Variants in PLCH1 observed in about 807,000 individuals in gnomAD.
PLCH1 encodes the protein 1-phosphatidylinositol 4,5-bisphosphate phosphodiesterase eta-1.
In PLCH1, 60 loss-of-function variants were observed where a neutral mutation model predicts 126.7. The ratio of observed to expected loss-of-function variants is 0.47; its 90% CI spans 0.38 to 0.59. The LOEUF (loss-of-function observed/expected upper bound fraction) is 0.59, where lower values mean the gene tolerates loss of function less well. Among genes scored for constraint, PLCH1 ranks in the 20% least tolerant of loss-of-function variants. The probability of loss-of-function intolerance (pLI) is 0.00; values close to 1 mark genes in which losing one functional copy is unlikely to be tolerated. For synonymous variants in PLCH1, 719 were observed against 734.9 expected (o/e 0.98, Z 0.35); for missense variants, 1,723 against 2,040.0 (o/e 0.84, Z 2.99).
chr3:155,638,806 C>G (rs1203552708), intron 2 of PLCH1, among the ~76,000 whole-genome samples: 1 of 152,158 alleles, frequency 6.6e-6, no homozygotes, highest in African/African-American at 2.4e-5. Context: ...TTACTCCTAA[C>G]TAGAATGAGT....
At chr3:155,655,866 T>G (rs1337924596) in intron 2 of PLCH1, among the ~76,000 whole-genome samples, 1 of 152,126 alleles carries the variant, frequency 6.6e-6, no homozygotes, top group Non-Finnish European at 1.5e-5. Context: ...AATAAAATTA[T>G]TAAATACATT....
intron 2 of PLCH1, among the ~76,000 whole-genome samples, chr3:155,656,890 A>G (rs532497668): frequency 1.2e-4 from 19 of 152,172 alleles, no homozygotes; most frequent in Non-Finnish European, 2.6e-4. Flanking sequence ...TATAACCTAT[A>G]AAACCCAAGA....
intron 8 of PLCH1, among the ~76,000 whole-genome samples, chr3:155,563,278 C>T (rs1308349968): frequency 6.6e-6 from 1 of 152,180 alleles, no homozygotes; most frequent in Non-Finnish European, 1.5e-5. Context: ...TGCCCAGACT[C>T]TTCATTAAGT....
chr3:155,733,321 C>G (rs1043144612), intron 1 of PLCH1, among the ~76,000 whole-genome samples: 1 of 151,972 alleles, frequency 6.6e-6, no homozygotes, highest in Non-Finnish European at 1.5e-5. Context: ...CAAAATATAC[C>G]ACACAAAGCT....
chr3:155,675,720 A>G (rs1340751417), intron 2 of PLCH1, among the ~76,000 whole-genome samples: 2 of 152,234 alleles, frequency 1.3e-5, no homozygotes, highest in Non-Finnish European at 2.9e-5. Flanking sequence ...ACCTAAGAAT[A>G]CAAATTATTT....
intron 2 of PLCH1, among the ~76,000 whole-genome samples, chr3:155,684,186 C>T (rs1221854556): frequency 1.3e-5 from 2 of 152,192 alleles, no homozygotes; most frequent in Admixed American, 1.3e-4. Context: ...CCCCTACCCC[C>T]TTATCCAGCA....
intron 11 of PLCH1, among the ~76,000 whole-genome samples, chr3:155,520,763 T>C (rs1339737231): frequency 6.6e-6 from 1 of 152,246 alleles, no homozygotes; most frequent in Admixed American, 6.5e-5. Context: ...CTGAACACAC[T>C]GGCTTTACCT....
At chr3:155,484,424 T>A (rs1484359372) in intron 22 of PLCH1, among the ~76,000 whole-genome samples, 1 of 152,188 alleles carries the variant, frequency 6.6e-6, no homozygotes, top group Non-Finnish European at 1.5e-5. Context: ...CTGAAGAATA[T>A]CTTGTAACAA....
chr3:155,598,478 A>C (rs1170117418), intron 2 of PLCH1, among the ~76,000 whole-genome samples: 1 of 152,256 alleles, frequency 6.6e-6, no homozygotes, highest in Non-Finnish European at 1.5e-5. Context: ...ATCAATAAAC[A>C]GATGTTTATA....
chr3:155,468,731 A>G (rs1713025883), intron 21 of PLCH1, among the ~76,000 whole-genome samples: 1 of 152,218 alleles, frequency 6.6e-6, no homozygotes, highest in South Asian at 2.1e-4. Flanking sequence ...TTAAACATAT[A>G]TGTTTAAACA....
intron 7 of PLCH1, among the ~76,000 whole-genome samples, chr3:155,566,293 A>G (rs1464190481): frequency 3.0e-5 from 1 of 33,142 alleles, no homozygotes; most frequent in Non-Finnish European, 6.6e-5. Flanking sequence ...ATATATACGT[A>G]TATATACACA....
At chr3:155,473,637 A>T (rs1231780898) in intron 21 of PLCH1, among the ~76,000 whole-genome samples, 2 of 151,986 alleles carry the variant, frequency 1.3e-5, no homozygotes. Context: ...AAGCCAAAAG[A>T]ACAAAGCTGG....
chr3:155,687,853 G>A (rs1745076090), intron 2 of PLCH1, among the ~76,000 whole-genome samples: 1 of 152,108 alleles, frequency 6.6e-6, no homozygotes, highest in African/African-American at 2.4e-5. Context: ...ACAACTAAAG[G>A]TCATTCACCT....
chr3:155,462,631 C>A (rs1712771469), intron 21 of PLCH1, among the ~76,000 whole-genome samples: 1 of 152,180 alleles, frequency 6.6e-6, no homozygotes, highest in Non-Finnish European at 1.5e-5. Context: ...GCAAGAGATG[C>A]AGCATATCAG....
At chr3:155,522,877 G>A (rs929301928) in intron 11 of PLCH1, among the ~76,000 whole-genome samples, 17 of 149,920 alleles carry the variant, frequency 1.1e-4, no homozygotes, top group South Asian at 4.2e-4. Flanking sequence ...AGAAAGAAGC[G>A]ATGAGGCATC....
At chr3:155,675,960 A>G in intron 2 of PLCH1, 1 of 1,135,224 alleles carries the variant, frequency 8.8e-7, no homozygotes, top group African/African-American at 1.6e-5. Context: ...TACTAGGACT[A>G]TTACACTTAC....
At chr3:155,620,126 C>G (rs1035857071) in intron 2 of PLCH1, among the ~76,000 whole-genome samples, 4 of 152,140 alleles carry the variant, frequency 2.6e-5, no homozygotes, top group South Asian at 2.1e-4. Flanking sequence ...GTAGAAAAAT[C>G]TAAATATGGA....
chr3:155,585,523 G>C (rs1283829390), intron 5 of PLCH1, among the ~76,000 whole-genome samples: 2 of 152,074 alleles, frequency 1.3e-5, no homozygotes, highest in Non-Finnish European at 2.9e-5. Context: ...AATAAGTCTG[G>C]GCCCAAGAAT....
chr3:155,634,730 C>G (rs1183014008), intron 2 of PLCH1, among the ~76,000 whole-genome samples: 1 of 152,206 alleles, frequency 6.6e-6, no homozygotes, highest in Non-Finnish European at 1.5e-5. Flanking sequence ...AAAAGCCAAA[C>G]CAAGCCTCAT....
Sources: allele counts gnomAD v4.1 joint callset (sites outside exome capture counted in the v4.1 genomes callset), GRCh38; gene constraint gnomAD v4.1.1; transcripts MANE v1.5; gene names NCBI Gene and HGNC (gene_info 2026-07-23, HGNC 2026-07-21).